Variants in CD40LG observed in about 807,000 individuals in gnomAD.
CD40LG encodes CD40 ligand.
CD40LG carries 1 observed loss-of-function variant against 17.2 expected under a neutral mutation model. That is an observed-to-expected ratio of 0.06 (90% CI 0.02 to 0.28). The LOEUF is 0.28. Among genes scored for constraint, CD40LG ranks in the 10% least tolerant of loss-of-function variants. CD40LG has a pLI of 1.00. For synonymous variants in CD40LG, 66 were observed against 74.4 expected (o/e 0.89, Z 0.58); for missense variants, 133 against 193.2 (o/e 0.69, Z 1.85).
intron 4 of CD40LG, 126 bp from the exon 5 acceptor site, chrX:136,658,913 A>G (rs1326915541): frequency 7.5e-5 from 55 of 735,790 alleles, no homozygotes; most frequent in Admixed American, 5.7e-4. Context: ...TCTGAAGCCC[A>G]TGGAAGGGGC....
chrX:136,655,729 G>C (rs2076117316), intron 3 of CD40LG, among the ~76,000 whole-genome samples: 1 of 112,095 alleles, frequency 8.9e-6, no homozygotes, highest in African/African-American at 3.2e-5. Context: ...AGTTTATGTA[G>C]ATGCTGCCTA....
At position 136,650,267 on chromosome X, in the gene CD40LG, T is replaced by C. The variant is rs778219718; in HGVS notation, c.158T>C (p.Ile53Thr). The change falls in exon 2 of 5, where the codon ATA becomes ACA. Residue 53 changes from isoleucine to threonine, a missense_variant and splice_region_variant. Ile to Thr is a moderately conservative substitution (Grantham distance 89). Coordinates refer to ENST00000370629, the MANE Select transcript of CD40LG (RefSeq NM_000074.3). ...CATATCCTTGTTATTCCAAAATAGA[T>C]AGAAGATGAAAGGAATCTTCATGAA... ...AVYLHRRLDK[I>T]EDERNLHEDF... is the part of the protein sequence containing the mutation. 2 of 1,177,776 alleles carry C rather than the reference T, an allele frequency of 1.7e-6. No homozygotes were observed. Among genetic ancestry groups the C allele is most frequent in the Admixed American group, 2.2e-5 (1 of 45,622 alleles).
chrX:136,648,472 C>T, intron 1 of CD40LG, 68 bp downstream of exon 1: 2 of 956,347 alleles, frequency 2.1e-6, no homozygotes, highest in Non-Finnish European at 3.0e-6. Context: ...TTGGTTCTAC[C>T]CAAATGATGG....
chrX:136,648,764 T>C (rs745996732), intron 1 of CD40LG, among the ~76,000 whole-genome samples: 2 of 112,394 alleles, frequency 1.8e-5, no homozygotes, highest in East Asian at 2.8e-4. Context: ...GTAAGCACTA[T>C]GTACGCACTA....
intron 2 of CD40LG, among the ~76,000 whole-genome samples, chrX:136,654,053 C>A (rs914156450): frequency 4.5e-5 from 5 of 111,899 alleles, no homozygotes; most frequent in African/African-American, 1.6e-4. Context: ...TTGTCAATAT[C>A]TGTCAAAGCC....
At chrX:136,650,194 G>A in intron 1 of CD40LG, 72 bp from the exon 2 acceptor site, 12 of 765,759 alleles carry the variant, frequency 1.6e-5, no homozygotes, top group Non-Finnish European at 2.4e-5. Context: ...GGAAATGAAT[G>A]TAGAGGCAGA....
At chrX:136,658,485 G>A (rs1185362264) in intron 4 of CD40LG, among the ~76,000 whole-genome samples, 1 of 111,711 alleles carries the variant, frequency 9.0e-6, no homozygotes, top group African/African-American at 3.3e-5. Context: ...AGTCCTTGCT[G>A]GGGGAGGCAG....
chrX:136,650,566 T>G (rs751688927), intron 2 of CD40LG, among the ~76,000 whole-genome samples, 169 bp downstream of exon 2: 25 of 102,491 alleles, frequency 2.4e-4, no homozygotes, highest in East Asian at 8.8e-4. Flanking sequence ...GGTGTGTGTG[T>G]GGGGGTTAAA....
chrX:136,655,693 T>C (rs151290711), intron 3 of CD40LG, among the ~76,000 whole-genome samples: 25 of 112,393 alleles, frequency 2.2e-4, no homozygotes, highest in African/African-American at 8.1e-4. Flanking sequence ...ACGCTGTCTG[T>C]TAATTACAGA....
At chrX:136,653,870 G>A (rs1324767918) in intron 2 of CD40LG, among the ~76,000 whole-genome samples, 2 of 112,227 alleles carry the variant, frequency 1.8e-5, no homozygotes, top group African/African-American at 6.5e-5. Context: ...AATTAAAAAT[G>A]TCTGAGGGTC....
Position 136,659,456 on chromosome X carries a change from A to G in CD40LG, c.*41A>G. The G allele has an allele frequency of 8.4e-7, 1 of 1,187,677 alleles. No homozygotes were observed. The highest frequency in any genetic ancestry group is 1.1e-6 in the Non-Finnish European group (1 of 880,401). ...AGGCTGTGGTGGAGCTGACGCTGGG[A>G]GTCTTCATAATACAGCACAGCGGTT... On this transcript the variant is annotated 3_prime_UTR_variant, in exon 5 of 5. Coordinates refer to ENST00000370629, the MANE Select transcript of CD40LG (RefSeq NM_000074.3).
At chrX:136,648,692 TC>T (rs757274554) in intron 1 of CD40LG, among the ~76,000 whole-genome samples, 27 of 112,056 alleles carry the variant, frequency 2.4e-4, no homozygotes, top group Non-Finnish European at 1.9e-4. Context: ...GGTATTGGTG[TC>T]CATTTCATAG....
Position 136,650,526 on chromosome X carries a change from T to C in CD40LG, c.288+129T>C, listed in dbSNP as rs925071528. On this transcript the variant is annotated intron_variant, in intron 2 of 4. Transcript: ENST00000370629. ...AGACACACAGACACACACACACATA[T>C]ATATGCATGCAGATATACACACATA... is the stretch of plus-strand genomic sequence containing the variant. The C allele has an allele frequency of 7.4e-5, 42 of 570,686 alleles. No homozygotes were observed. The East Asian group carries it at 1.3e-3, about 18-fold the overall frequency. The allele number at this position is 570,686 out of a possible 1,213,427, so 47.0% of individuals were successfully genotyped here.
chrX:136,657,903 A>G (rs2076123416), intron 4 of CD40LG, among the ~76,000 whole-genome samples: 1 of 111,496 alleles, frequency 9.0e-6, no homozygotes, highest in Non-Finnish European at 1.9e-5. Context: ...CTACCTAGCC[A>G]TGCTGCTAAA....
At position 136,660,115 on chromosome X, in the gene CD40LG, C is replaced by CAT. The variant is rs57470527; in HGVS notation, c.*701_*702insTA. The stretch of plus-strand genomic sequence containing the variant: ...TCAATCCCCCTTTCTAACACACACA[C>CAT]ACACACACACACACACACACACACA... On this transcript the variant is annotated 3_prime_UTR_variant, in exon 5 of 5. Coordinates refer to ENST00000370629, the MANE Select transcript of CD40LG (RefSeq NM_000074.3). 45 of 77,896 alleles carry CAT rather than the reference C, an allele frequency of 5.8e-4. No homozygotes were observed. Among genetic ancestry groups the CAT allele is most frequent in the African/African-American group, 3.0e-3 (45 of 14,833 alleles). The allele number at this position is 77,896 out of a possible 1,213,427, so 6.4% of individuals were successfully genotyped here.
In CD40LG at chrX:136,656,127, T is replaced by C. The variant is rs371392798; in HGVS notation, c.347-229T>C. Among the ~76,000 whole-genome samples the C allele has an allele frequency of 8.9e-5, 10 of 111,946 alleles. No individual in the cohort carries two copies. The South Asian group carries it at 3.7e-3, about 42-fold the overall frequency. ...TCAATCTATGCAAAATGGAATCGAG[T>C]ATTGATCAACTGTTAGGAGAATGAG... On this transcript the variant is annotated intron_variant, in intron 3 of 4. Coordinates refer to ENST00000370629, the MANE Select transcript of CD40LG (RefSeq NM_000074.3).
At chrX:136,658,556 C>T (rs980562845) in intron 4 of CD40LG, among the ~76,000 whole-genome samples, 36 of 111,814 alleles carry the variant, frequency 3.2e-4, no homozygotes, top group Non-Finnish European at 5.5e-4. Flanking sequence ...TGTGCTGAGG[C>T]TGAGCTAGGT....
rs768706979 is a variant in CD40LG at position 136,653,930 on chromosome X, T to A, written c.289-443T>A. ...CAAGGTCAAACTTACTATTATCTTT[T>A]CCTACAGGATTTCAGACCAAATTTA... On this transcript the variant is annotated intron_variant, in intron 2 of 4. Coordinates refer to ENST00000370629, the MANE Select transcript of CD40LG (RefSeq NM_000074.3). 7.1e-5 allele frequency among the ~76,000 whole-genome samples: 8 copies of A among 112,293 alleles called. No individual in the cohort carries two copies. In the East Asian group the frequency reaches 1.4e-3, roughly 20 times the overall value.
chrX:136,655,667 G>A (rs1477233649), intron 3 of CD40LG, among the ~76,000 whole-genome samples: 2 of 112,494 alleles, frequency 1.8e-5, no homozygotes, highest in African/African-American at 6.5e-5. Context: ...TGCAAGATAT[G>A]TTGAGTAATA....
Sources: gnomAD v4.1 joint callset for allele counts (sites outside exome capture counted in the v4.1 genomes callset) on GRCh38, gnomAD v4.1.1 for gene constraint, MANE v1.5 for transcripts, NCBI Gene and HGNC (gene_info 2026-07-23, HGNC 2026-07-21) for gene names.